Variants in KIF13B observed in about 807,000 individuals in gnomAD.
KIF13B encodes kinesin-like protein KIF13B.
In KIF13B, 127 loss-of-function variants were observed where a neutral mutation model predicts 222.0. The ratio of observed to expected loss-of-function variants is 0.57; its 90% CI spans 0.50 to 0.66. The LOEUF is 0.66. Ranked by LOEUF, KIF13B falls within the 30% of genes least tolerant of loss-of-function variation. KIF13B has a pLI of 0.00. For synonymous variants in KIF13B, 976 were observed against 919.0 expected (o/e 1.06, Z -1.12); for missense variants, 2,173 against 2,379.0 (o/e 0.91, Z 1.80).
At chr8:29,147,036 C>T (rs1224820431) in intron 17 of KIF13B, among the ~76,000 whole-genome samples, 2 of 152,164 alleles carry the variant, frequency 1.3e-5, no homozygotes, top group Non-Finnish European at 1.5e-5. Context: ...CATGCTTTAC[C>T]TACCTGAGCT....
In KIF13B at chr8:29,120,276, C is replaced by T. The variant is rs1440632224; in HGVS notation, c.3536-1284G>A. 3.8e-4 allele frequency among the ~76,000 whole-genome samples: 46 copies of T among 119,504 alleles called. 1 individual carries two copies. The highest frequency in any genetic ancestry group is 1.3e-3 in the African/African-American group (41 of 31,184). 78.4% of individuals were successfully genotyped at this position (119,504 alleles called of 152,430 possible). ...CATGTGCCATGCTGGTGCGCTGCACCCACTAACGTGTCATCTAGCATTAGG... is the reference window on the plus strand; with the variant it reads ...CATGTGCCATGCTGGTGCGCTGCACTCACTAACGTGTCATCTAGCATTAGG... On this transcript the variant is annotated intron_variant, in intron 29 of 39. Transcript: ENST00000524189.
intron 37 of KIF13B, among the ~76,000 whole-genome samples, chr8:29,090,030 G>A (rs1323950560): frequency 1.3e-5 from 2 of 152,174 alleles, no homozygotes; most frequent in Non-Finnish European, 2.9e-5. Context: ...TCTACGGGAG[G>A]CCTTTGGGAA....
intron 23 of KIF13B, 138 bp downstream of exon 23, chr8:29,132,170 C>T (rs867175126): frequency 2.6e-5 from 13 of 492,338 alleles, no homozygotes; most frequent in Admixed American, 3.8e-5. Flanking sequence ...TGCTTACTCC[C>T]AGGAGGCAGA....
At chr8:29,213,768 G>C (rs1814342527) in intron 2 of KIF13B, among the ~76,000 whole-genome samples, 1 of 151,832 alleles carries the variant, frequency 6.6e-6, no homozygotes, top group Non-Finnish European at 1.5e-5. Context: ...GGCCGACATG[G>C]TGAAACGCTG....
intron 1 of KIF13B, among the ~76,000 whole-genome samples, chr8:29,251,443 C>G (rs2130677207): frequency 6.6e-6 from 1 of 152,214 alleles, no homozygotes; most frequent in South Asian, 2.1e-4. Context: ...AGTATTCAGC[C>G]TTAAAAAGGA....
At chr8:29,178,444 T>A (rs1029398763) in intron 8 of KIF13B, among the ~76,000 whole-genome samples, 3 of 152,158 alleles carry the variant, frequency 2.0e-5, no homozygotes, top group African/African-American at 7.2e-5. Context: ...TACATAGATA[T>A]CTTTATCAAA....
At chr8:29,166,805 C>A (rs565126980) in intron 11 of KIF13B, among the ~76,000 whole-genome samples, 1 of 151,958 alleles carries the variant, frequency 6.6e-6, no homozygotes, top group African/African-American at 2.4e-5. Flanking sequence ...GGTAGGTTTT[C>A]AAATTTATTA....
intron 31 of KIF13B, 112 bp from the exon 32 acceptor site, chr8:29,113,667 A>G (rs1809460456): frequency 1.4e-6 from 1 of 712,682 alleles, no homozygotes; most frequent in Admixed American, 2.7e-5. Flanking sequence ...AAAACAGAGC[A>G]GGTTTCCAAC....
intron 8 of KIF13B, among the ~76,000 whole-genome samples, chr8:29,178,948 C>T (rs918028292): frequency 4.6e-5 from 7 of 152,260 alleles, no homozygotes; most frequent in Admixed American, 2.6e-4. Context: ...TGCAATGCAG[C>T]AGAAGCATGT....
rs774665337 is a variant in KIF13B at position 29,099,247 on chromosome 8, A to G, written c.4216-6T>C. On this transcript the variant is annotated splice_polypyrimidine_tract_variant and splice_region_variant and intron_variant, in intron 35 of 39. Coordinates refer to ENST00000524189, the MANE Select transcript of KIF13B (RefSeq NM_015254.4). The stretch of plus-strand genomic sequence containing the variant: ...TGCTGACTTTCCCACCGGCCCTAGT[A>G]AAGACAAAATTGGCAATTTTGTTTC... 27 of 1,589,298 alleles carry G rather than the reference A, an allele frequency of 1.7e-5. No individual in the cohort carries two copies. The highest frequency in any genetic ancestry group is 2.2e-5 in the East Asian group (1 of 44,576).
chr8:29,113,662 A>C lies in KIF13B; in HGVS notation c.3838-107T>G. 15 of 720,642 alleles carry C rather than the reference A, an allele frequency of 2.1e-5. No individual in the cohort carries two copies. In the South Asian group the frequency reaches 2.3e-4, roughly 11 times the overall value. The allele number at this position is 720,642 out of a possible 1,614,324, so 44.6% of individuals were successfully genotyped here. ...TGGTTCATTCTAACCAAAAGAAAAC[A>C]GAGCAGGTTTCCAACATAAGCAAGT... On this transcript the variant is annotated intron_variant, in intron 31 of 39. Transcript: ENST00000524189.
At position 29,147,458 on chromosome 8, in the gene KIF13B, C is replaced by G. The variant is rs1207121901; in HGVS notation, c.1958G>C (p.Ser653Thr). 6.2e-7 allele frequency: 1 copy of G among 1,612,816 alleles called. No individual in the cohort carries two copies. Among genetic ancestry groups the G allele is most frequent in the East Asian group, 2.2e-5 (1 of 44,844 alleles). ...RLSPEKQNCRSMDRFSFHSPS... is the reference protein window; with the variant it reads ...RLSPEKQNCRTMDRFSFHSPS... The stretch of plus-strand genomic sequence containing the variant: ...CGAGTGGAAAGAAAACCTGTCCATG[C>G]TCCGGCAGTTCTGCTTCTCAGGAGA... Residue 653 changes from serine (S) to threonine (T), a missense_variant, in exon 17 of 40, where the codon AGC becomes ACC. By Grantham distance (58) the Ser-to-Thr change is moderately conservative (BLOSUM62 1). This residue lies in a region of KIF13B where 1,480 missense variants were observed against 1,722.8 expected (regional missense o/e 0.86). Coordinates refer to ENST00000524189, the MANE Select transcript of KIF13B (RefSeq NM_015254.4).
At chr8:29,262,345 C>G (rs1219627017) in intron 1 of KIF13B, among the ~76,000 whole-genome samples, 1 of 152,256 alleles carries the variant, frequency 6.6e-6, no homozygotes, top group African/African-American at 2.4e-5. Flanking sequence ...AATGAGACTT[C>G]AGGCAAAACC....
rs370271367 is a variant in KIF13B at position 29,188,576 on chromosome 8, C to T, written c.255G>A (p.Glu85=). Residue 85 remains glutamate, a synonymous_variant, in exon 5 of 40, where the codon GAG becomes GAA. Coordinates refer to ENST00000524189, the MANE Select transcript of KIF13B (RefSeq NM_015254.4). ...GQDIVFKCLG[E]NILQNAFDGY... ...CATCAAAAGCATTCTGCAGGATATT[C>T]TCTCCAAGGCACTTGAAAACAATAT... The T allele has an allele frequency of 1.2e-6, 2 of 1,612,328 alleles. No individual in the cohort carries two copies.
Position 29,127,286 on chromosome 8 carries a change from T to TA in KIF13B, c.3076-19dup. On this transcript the variant is annotated intron_variant, in intron 24 of 39. Transcript: ENST00000524189. ...GACTGCCCCTGGGTCACAGACAATT[T>TA]AGAGTCTTAAAATCAGTGTCTTGAT... 1 of 1,608,962 alleles carries TA rather than the reference T, an allele frequency of 6.2e-7. No homozygotes were observed. The highest frequency in any genetic ancestry group is 8.5e-7 in the Non-Finnish European group (1 of 1,177,226).
In KIF13B at chr8:29,109,521, A is replaced by C; in HGVS notation, c.4084-10T>G. On this transcript the variant is annotated splice_polypyrimidine_tract_variant and intron_variant, in intron 33 of 39. Transcript: ENST00000524189. The stretch of plus-strand genomic sequence containing the variant: ...CCTTCACTGCAACTTCCTGTGAATC[A>C]GAAAACATACAGAGGAAAAAGACAT... The C allele has an allele frequency of 6.2e-7, 1 of 1,611,636 alleles. No individual in the cohort carries two copies.
At chr8:29,112,930 T>A (rs148996077) in intron 32 of KIF13B, among the ~76,000 whole-genome samples, 2 of 152,200 alleles carry the variant, frequency 1.3e-5, no homozygotes, top group Non-Finnish European at 2.9e-5. Flanking sequence ...ATAGTACTAA[T>A]AAAATAATAA....
chr8:29,107,721 T>C (rs1372774976), intron 35 of KIF13B, among the ~76,000 whole-genome samples: 2 of 151,854 alleles, frequency 1.3e-5, no homozygotes, highest in African/African-American at 2.4e-5. Flanking sequence ...CCACCTCGCC[T>C]GACTAGTTTT....
In KIF13B at chr8:29,070,376, G is replaced by T; in HGVS notation, c.*128C>A. 2 of 1,037,720 alleles carry T rather than the reference G, an allele frequency of 1.9e-6. No individual in the cohort carries two copies. The highest frequency in any genetic ancestry group is 2.8e-6 in the Non-Finnish European group (2 of 712,890). 64.3% of individuals were successfully genotyped at this position (1,037,720 alleles called of 1,614,324 possible). A position where few individuals can be genotyped will look rare whatever the true frequency, so the allele number is the denominator to read the frequency against. On this transcript the variant is annotated 3_prime_UTR_variant, in exon 40 of 40. Coordinates refer to ENST00000524189, the MANE Select transcript of KIF13B (RefSeq NM_015254.4). The surrounding 1 kb of genome is among the most constrained non-coding windows in gnomAD (Gnocchi z 4.1). The stretch of plus-strand genomic sequence containing the variant: ...CCAGGGAGGTCACCAGCCCTGTGTC[G>T]TGCAAAAAGCATTCATCGCCCTGCC...
Sources: allele counts gnomAD v4.1 joint callset (sites outside exome capture counted in the v4.1 genomes callset), GRCh38; gene constraint gnomAD v4.1.1; regional missense constraint gnomAD v4.1.1; non-coding constraint Gnocchi (gnomAD v3.1); transcripts MANE v1.5; gene names NCBI Gene and HGNC (gene_info 2026-07-23, HGNC 2026-07-21).